The following COLEC10 variants were observed in gnomAD, a reference collection of about 807,000 sequenced individuals.
COLEC10 encodes collectin subfamily member 10.
A neutral mutation model predicts 28.4 loss-of-function variants in COLEC10; 22 were observed. The ratio of observed to expected loss-of-function variants is 0.78; its 90% confidence interval spans 0.55 to 1.11. COLEC10 has a LOEUF of 1.11. Ranked by LOEUF, COLEC10 falls within the 50% of genes least tolerant of loss-of-function variation. The probability of loss-of-function intolerance (pLI) is 0.00; values close to 1 mark genes in which losing one functional copy is unlikely to be tolerated. For synonymous variants in COLEC10, 125 were observed against 116.1 expected, an observed-to-expected ratio of 1.08 and a Z score of -0.49; for missense variants, 361 against 344.1, an observed-to-expected ratio of 1.05 and a Z score of -0.39.
At chr8:119,088,617 G>T (rs1368788858) in intron 1 of COLEC10, among the ~76,000 whole-genome samples, 2 of 152,304 alleles carry the variant, frequency 1.3e-5, no homozygotes, top group East Asian at 1.9e-4. Flanking sequence ...ATCTGCTGAT[G>T]GACAGGGCTC....
chr8:119,056,716 A>G (rs1814768090), intron 2 of COLEC10, among the ~76,000 whole-genome samples: 1 of 151,930 alleles, frequency 6.6e-6, no homozygotes, highest in African/African-American at 2.4e-5. Context: ...ATGAAGTTGT[A>G]CCTCTGTCAC....
At chr8:118,972,737 A>G in the COLEC10 span, among the ~76,000 whole-genome samples, 1 of 152,046 alleles carries the variant, frequency 6.6e-6, no homozygotes, top group East Asian at 1.9e-4. Flanking sequence ...ACCTTCTAGC[A>G]TAATCATTAC....
intron 3 of COLEC10, among the ~76,000 whole-genome samples, chr8:119,101,728 G>T (rs1815831437): frequency 1.3e-5 from 2 of 152,096 alleles, no homozygotes; most frequent in South Asian, 4.1e-4. Context: ...CCAGCCTTTT[G>T]GTTTTCATAG....
At chr8:119,045,953 C>T (rs1483738660) in intron 2 of COLEC10, among the ~76,000 whole-genome samples, 2 of 152,110 alleles carry the variant, frequency 1.3e-5, no homozygotes, top group Non-Finnish European at 2.9e-5. Context: ...AAGTTATTTC[C>T]AATGACACAT....
chr8:119,092,329 C>T (rs1479879763), intron 3 of COLEC10, among the ~76,000 whole-genome samples: 3 of 152,074 alleles, frequency 2.0e-5, no homozygotes, highest in Admixed American at 1.3e-4. Flanking sequence ...GCCTTGGCCT[C>T]CCAATATGCT....
the COLEC10 span, among the ~76,000 whole-genome samples, chr8:118,985,284 C>A: frequency 1.1e-4 from 16 of 152,062 alleles, 1 homozygote; most frequent in African/African-American, 3.9e-4. Flanking sequence ...GAATTCAGGT[C>A]CTCCTTAAAA....
chr8:118,967,592 C>A, the COLEC10 span, among the ~76,000 whole-genome samples: 2 of 152,096 alleles, frequency 1.3e-5, no homozygotes, highest in South Asian at 4.1e-4. Flanking sequence ...AAAGTACCTT[C>A]TGACTGGCAT....
chr8:119,024,579 TAC>T (rs5894472), intron 2 of COLEC10, among the ~76,000 whole-genome samples: 87,940 of 150,586 alleles, frequency 0.58, 26,226 homozygotes, highest in African/African-American at 0.72. Context: ...TATGCACACA[TAC>T]ACACACACAC....
chr8:119,017,266 A>G (rs1365923239), intron 2 of COLEC10, among the ~76,000 whole-genome samples: 2 of 152,102 alleles, frequency 1.3e-5, no homozygotes, highest in Non-Finnish European at 2.9e-5. Flanking sequence ...TAACCACTAC[A>G]CTCTACTGCT....
At chr8:119,089,645 G>A (rs1280474643) in intron 1 of COLEC10, 35 bp from the exon 2 acceptor site, 1 of 1,538,640 alleles carries the variant, frequency 6.5e-7, no homozygotes, top group Non-Finnish European at 9.0e-7. Context: ...TACTGTTTGA[G>A]ATGCTTCACT....
chr8:119,028,945 G>A (rs1334636166), intron 2 of COLEC10, among the ~76,000 whole-genome samples: 1 of 152,170 alleles, frequency 6.6e-6, no homozygotes, highest in African/African-American at 2.4e-5. Flanking sequence ...GGTGCTAGAT[G>A]CAAGTAATTC....
At chr8:119,019,970 T>G (rs1814064061) in intron 2 of COLEC10, among the ~76,000 whole-genome samples, 1 of 152,200 alleles carries the variant, frequency 6.6e-6, no homozygotes, top group South Asian at 2.1e-4. Flanking sequence ...TTCTGGGGCA[T>G]TTCATTCACT....
chr8:119,097,962 G>A (rs372989787), intron 3 of COLEC10, among the ~76,000 whole-genome samples: 3 of 151,916 alleles, frequency 2.0e-5, no homozygotes, highest in East Asian at 1.9e-4. Flanking sequence ...CAGTTCAATG[G>A]CACTAAGTAC....
chr8:119,005,180 A>G (rs1258463188), intron 1 of COLEC10, among the ~76,000 whole-genome samples: 1 of 152,120 alleles, frequency 6.6e-6, no homozygotes, highest in East Asian at 1.9e-4. Flanking sequence ...TGTGTCAAAT[A>G]TTCTCAACCT....
At chr8:118,971,574 G>A in the COLEC10 span, among the ~76,000 whole-genome samples, 11 of 152,032 alleles carry the variant, frequency 7.2e-5, no homozygotes, top group South Asian at 1.9e-3. Context: ...GTTTATATCC[G>A]TTTCTTTCCT....
At chr8:119,024,422 T>A (rs529035136) in intron 2 of COLEC10, among the ~76,000 whole-genome samples, 1 of 152,238 alleles carries the variant, frequency 6.6e-6, no homozygotes, top group South Asian at 2.1e-4. Flanking sequence ...AAGGCATAAG[T>A]TATGTATATG....
the COLEC10 span, among the ~76,000 whole-genome samples, chr8:118,990,323 G>A: frequency 1.9e-3 from 287 of 152,172 alleles, 1 homozygote; most frequent in African/African-American, 6.4e-3. Context: ...AAAGGAAATC[G>A]AAATGGAAAA....
At chr8:118,979,207 T>A in the COLEC10 span, among the ~76,000 whole-genome samples, 1 of 152,026 alleles carries the variant, frequency 6.6e-6, no homozygotes, top group African/African-American at 2.4e-5. Flanking sequence ...CAAATGGTTA[T>A]TTTTTTAAGC....
chr8:118,982,630 C>T, the COLEC10 span: 1 of 190,284 alleles, frequency 5.3e-6, no homozygotes, highest in Admixed American at 5.0e-5. Context: ...ATGGGACTGT[C>T]TTGTTCACAA....
Sources: gnomAD v4.1 joint callset for allele counts (sites outside exome capture counted in the v4.1 genomes callset) on GRCh38, gnomAD v4.1.1 for gene constraint, MANE v1.5 for transcripts, NCBI Gene and HGNC (gene_info 2026-07-23, HGNC 2026-07-21) for gene names.